Variants in ABCC1 observed in about 807,000 individuals in gnomAD.
ABCC1 encodes the protein multidrug resistance-associated protein 1.
Under a neutral mutation model 172.9 loss-of-function variants are expected in ABCC1, and 83 were observed. The ratio of observed to expected loss-of-function variants is 0.48; its 90% CI spans 0.40 to 0.58. ABCC1 has a LOEUF of 0.58. Among genes scored for constraint, ABCC1 ranks in the 20% least tolerant of loss-of-function variants. ABCC1 has a pLI of 0.00. For synonymous variants in ABCC1, 937 were observed against 825.2 expected (o/e 1.14, Z -2.32); for missense variants, 1,817 against 2,002.7 (o/e 0.91, Z 1.77).
chr16:15,949,728 C>T lies in ABCC1; in HGVS notation c.-24C>T. On this transcript the variant is annotated 5_prime_UTR_variant, in exon 1 of 31. Transcript: ENST00000399410. ...GGGCCCGATCACCCGCCGCCCGGTG[C>T]CCGCCGCCGCCCGCGCCACCGGCAT... is the stretch of plus-strand genomic sequence containing the variant. 3 of 1,149,546 alleles carry T rather than the reference C, an allele frequency of 2.6e-6. No individual in the cohort carries two copies. The South Asian group carries it at 1.1e-4, about 41-fold the overall frequency. The allele number at this position is 1,149,546 out of a possible 1,614,324, so 71.2% of individuals were successfully genotyped here.
At chr16:16,010,060 T>A (rs930598020) in intron 3 of ABCC1, among the ~76,000 whole-genome samples, 159 bp downstream of exon 3, 1 of 139,822 alleles carries the variant, frequency 7.2e-6, no homozygotes, top group African/African-American at 2.7e-5. Context: ...TTTTTTTTTT[T>A]AAAGACATGA....
At chr16:16,099,797 C>T (rs2051643420) in intron 19 of ABCC1, among the ~76,000 whole-genome samples, 1 of 152,062 alleles carries the variant, frequency 6.6e-6, no homozygotes, top group South Asian at 2.1e-4. Context: ...AAAAAGCCAA[C>T]AGGGGGCCAG....
intron 1 of ABCC1, among the ~76,000 whole-genome samples, chr16:15,988,402 G>A (rs1025839414): frequency 1.1e-4 from 16 of 152,128 alleles, no homozygotes; most frequent in Non-Finnish European, 1.6e-4. Flanking sequence ...CCTAGGAACC[G>A]TGCTCTGTAA....
In ABCC1 at chr16:16,038,168, T is replaced by A. The variant is rs769409995; in HGVS notation, c.809+1565T>A. ...GGTAGATGGATAGATGATAGATAGA[T>A]GGATGATTGATAGATGATGGATGGA... On this transcript the variant is annotated intron_variant, in intron 7 of 30. Coordinates refer to ENST00000399410, the MANE Select transcript of ABCC1 (RefSeq NM_004996.4). 5.9e-4 allele frequency among the ~76,000 whole-genome samples: 89 copies of A among 151,964 alleles called. No homozygotes were observed. In the Middle Eastern group the frequency reaches 0.014, roughly 23 times the overall value.
intron 27 of ABCC1, 39 bp from the exon 28 acceptor site, chr16:16,134,311 C>G (rs2152147805): frequency 6.2e-7 from 1 of 1,610,726 alleles, no homozygotes; most frequent in Non-Finnish European, 8.5e-7. Context: ...AGTCCGGATG[C>G]CAGCATTCCC....
intron 1 of ABCC1, among the ~76,000 whole-genome samples, chr16:15,987,317 C>T (rs1040006336): frequency 2.0e-5 from 3 of 152,250 alleles, no homozygotes; most frequent in Admixed American, 6.5e-5. Context: ...TTTACAGATG[C>T]GGAAACTGAG....
intron 5 of ABCC1, among the ~76,000 whole-genome samples, chr16:16,016,897 G>C (rs1168036220): frequency 6.6e-6 from 1 of 152,192 alleles, no homozygotes; most frequent in Non-Finnish European, 1.5e-5. Flanking sequence ...TGGAAAATGT[G>C]AGCAGATAAT....
intron 19 of ABCC1, chr16:16,099,034 C>G: frequency 1.3e-6 from 1 of 766,768 alleles, no homozygotes; most frequent in Non-Finnish European, 2.0e-6. Flanking sequence ...TTCATTGGTT[C>G]ATTTAGCACA....
At chr16:15,969,122 T>G (rs2046312923) in intron 1 of ABCC1, among the ~76,000 whole-genome samples, 1 of 152,094 alleles carries the variant, frequency 6.6e-6, no homozygotes, top group Non-Finnish European at 1.5e-5. Context: ...AAGGATCACT[T>G]GAACCTGGGA....
At chr16:16,086,803 C>T (rs879143653) in intron 17 of ABCC1, 21 bp from the exon 18 acceptor site, 1 of 1,611,558 alleles carries the variant, frequency 6.2e-7, no homozygotes, top group East Asian at 2.2e-5. Flanking sequence ...GAAACCCACT[C>T]CTGTGTGTGT....
chr16:16,104,935 G>T (rs1359814720), intron 20 of ABCC1, among the ~76,000 whole-genome samples: 1 of 152,150 alleles, frequency 6.6e-6, no homozygotes, highest in East Asian at 1.9e-4. Context: ...GGGGTCCACC[G>T]AGCCGACGCC....
At chr16:16,109,025 A>G (rs1210656586) in intron 21 of ABCC1, among the ~76,000 whole-genome samples, 1 of 152,118 alleles carries the variant, frequency 6.6e-6, no homozygotes, top group Non-Finnish European at 1.5e-5. Flanking sequence ...GGTGAAATAA[A>G]CACATTCTTA....
intron 12 of ABCC1, among the ~76,000 whole-genome samples, 156 bp from the exon 13 acceptor site, chr16:16,068,000 C>T (rs766387283): frequency 1.3e-5 from 2 of 152,124 alleles, no homozygotes; most frequent in Non-Finnish European, 2.9e-5. Flanking sequence ...CTGCCATGTG[C>T]CAGATACTGC....
At chr16:15,993,861 A>G (rs2046961047) in intron 1 of ABCC1, among the ~76,000 whole-genome samples, 1 of 152,142 alleles carries the variant, frequency 6.6e-6, no homozygotes, top group African/African-American at 2.4e-5. Flanking sequence ...GAGGCCATTC[A>G]CTTGATCTCC....
chr16:16,045,787 C>A, intron 8 of ABCC1, 49 bp from the exon 9 acceptor site: 1 of 1,582,194 alleles, frequency 6.3e-7, no homozygotes, highest in Non-Finnish European at 8.6e-7. Flanking sequence ...CTCTTCCCTG[C>A]CCCCACGTGT....
intron 1 of ABCC1, among the ~76,000 whole-genome samples, chr16:15,963,629 T>A (rs1200557116): frequency 6.6e-6 from 1 of 152,218 alleles, no homozygotes; most frequent in Non-Finnish European, 1.5e-5. Flanking sequence ...CTGCCGAGGC[T>A]TGGGGCTTGC....
At chr16:16,023,018 C>G (rs1160515517) in intron 5 of ABCC1, among the ~76,000 whole-genome samples, 1 of 152,198 alleles carries the variant, frequency 6.6e-6, no homozygotes, top group East Asian at 1.9e-4. Context: ...CTCCAATGAT[C>G]TTCCCGCTTC....
chr16:16,081,112 C>T (rs2050789493), intron 16 of ABCC1, among the ~76,000 whole-genome samples: 1 of 152,142 alleles, frequency 6.6e-6, no homozygotes, highest in African/African-American at 2.4e-5. Flanking sequence ...AGGTGATCTC[C>T]CCATCTCGGC....
intron 15 of ABCC1, among the ~76,000 whole-genome samples, chr16:16,076,845 C>A (rs916312694): frequency 6.6e-6 from 1 of 152,186 alleles, no homozygotes; most frequent in African/African-American, 2.4e-5. Context: ...CACTGTGTAT[C>A]CCACTGTTAG....
Sources: gnomAD v4.1 joint callset for allele counts (sites outside exome capture counted in the v4.1 genomes callset) on GRCh38, gnomAD v4.1.1 for gene constraint, MANE v1.5 for transcripts, NCBI Gene and HGNC (gene_info 2026-07-23, HGNC 2026-07-21) for gene names.